The following TENM3 variants were observed in gnomAD, a reference collection of about 807,000 sequenced individuals.
TENM3 encodes teneurin transmembrane protein 3, also known as teneurin-3.
In TENM3, 63 loss-of-function variants were observed where a neutral mutation model predicts 255.1. The observed-to-expected ratio is 0.25, with a 90% CI of 0.20 to 0.30. The LOEUF is 0.30. TENM3 is among the 10% of genes least tolerant of loss of function. TENM3 has a pLI of 1.00. For missense variants in TENM3, 2,929 were observed against 3,461.1 expected (o/e 0.85, Z 3.86); for synonymous variants, 1,306 against 1,322.3 (o/e 0.99, Z 0.27).
At chr4:182,065,340 G>A in the TENM3 span, among the ~76,000 whole-genome samples, 4 of 152,200 alleles carry the variant, frequency 2.6e-5, no homozygotes, top group South Asian at 2.1e-4. Flanking sequence ...CGGCAAAACC[G>A]GATAATTTAT....
the TENM3 span, among the ~76,000 whole-genome samples, chr4:181,524,496 T>G: frequency 6.6e-6 from 1 of 152,324 alleles, no homozygotes; most frequent in Admixed American, 6.5e-5. Context: ...GCTATTTGAT[T>G]AATCAGTTCC....
chr4:182,102,594 T>C, the TENM3 span, among the ~76,000 whole-genome samples: 144 of 152,308 alleles, frequency 9.5e-4, no homozygotes, highest in African/African-American at 3.4e-3. Context: ...GCTAAAATTG[T>C]TTCTGAATCA....
chr4:181,648,685 G>A, the TENM3 span, among the ~76,000 whole-genome samples: 1 of 152,120 alleles, frequency 6.6e-6, no homozygotes, highest in African/African-American at 2.4e-5. Context: ...CAGTTGTTAA[G>A]GTATATCCTG....
At chr4:182,343,182 T>G (rs1188997887) in intron 2 of TENM3, among the ~76,000 whole-genome samples, 2 of 152,218 alleles carry the variant, frequency 1.3e-5, no homozygotes, top group Non-Finnish European at 2.9e-5. Flanking sequence ...AAATGCCTAA[T>G]ATAATCCGAG....
At chr4:181,839,072 G>A in the TENM3 span, among the ~76,000 whole-genome samples, 26 of 150,708 alleles carry the variant, frequency 1.7e-4, no homozygotes, top group Non-Finnish European at 3.1e-4. Flanking sequence ...TGGCTATTTC[G>A]TTTTTGTTCA....
intron 12 of TENM3, among the ~76,000 whole-genome samples, chr4:182,696,136 TATTTAAG>T (rs2152619741): frequency 6.6e-6 from 1 of 152,334 alleles, no homozygotes; most frequent in South Asian, 2.1e-4. Context: ...CAACTCAGCA[TATTTAAG>T]ATCAGTTTAT....
chr4:182,352,575 C>G (rs747314355), intron 3 of TENM3, among the ~76,000 whole-genome samples: 8 of 152,078 alleles, frequency 5.3e-5, no homozygotes, highest in Non-Finnish European at 7.4e-5. Context: ...GTGCATGATA[C>G]TGAAGTATTA....
chr4:182,608,439 T>C (rs1250302166), intron 4 of TENM3, among the ~76,000 whole-genome samples: 2 of 152,154 alleles, frequency 1.3e-5, no homozygotes, highest in African/African-American at 4.8e-5. Flanking sequence ...TAATATTTAA[T>C]TATTAGCATT....
the TENM3 span, among the ~76,000 whole-genome samples, chr4:181,620,985 C>T: frequency 6.6e-6 from 1 of 152,128 alleles, no homozygotes; most frequent in African/African-American, 2.4e-5. Flanking sequence ...CTCTTGACTT[C>T]TGCATTTAGC....
the TENM3 span, among the ~76,000 whole-genome samples, chr4:181,552,238 G>A: frequency 3.3e-5 from 5 of 151,982 alleles, no homozygotes; most frequent in Non-Finnish European, 7.4e-5. Flanking sequence ...TGGCTCTTTC[G>A]AATAGTCAAA....
intron 11 of TENM3, among the ~76,000 whole-genome samples, chr4:182,687,491 G>A (rs987595391): frequency 1.3e-5 from 2 of 151,868 alleles, no homozygotes; most frequent in Non-Finnish European, 2.9e-5. Context: ...GAAAAACCTT[G>A]TTTTTCAAAG....
At chr4:182,262,776 T>G (rs541699200) in intron 1 of TENM3, among the ~76,000 whole-genome samples, 4 of 148,804 alleles carry the variant, frequency 2.7e-5, no homozygotes, top group East Asian at 2.0e-4. Context: ...TGCAGTGGCC[T>G]GATCTCAGCT....
At chr4:182,147,929 T>G (rs1750078550) in intron 1 of TENM3, among the ~76,000 whole-genome samples, 1 of 152,140 alleles carries the variant, frequency 6.6e-6, no homozygotes, top group Non-Finnish European at 1.5e-5. Flanking sequence ...TTAAAAATTA[T>G]TTTACGTAAG....
chr4:182,422,914 G>GT (rs1325924198), intron 3 of TENM3, among the ~76,000 whole-genome samples: 1 of 152,178 alleles, frequency 6.6e-6, no homozygotes, highest in Admixed American at 6.5e-5. Context: ...GAAAGTCTAA[G>GT]TTGCGGAGCT....
At chr4:181,816,929 C>T in the TENM3 span, among the ~76,000 whole-genome samples, 3 of 152,188 alleles carry the variant, frequency 2.0e-5, no homozygotes, top group African/African-American at 7.2e-5. Context: ...CACTAATGCT[C>T]TTAATCATCC....
intron 1 of TENM3, among the ~76,000 whole-genome samples, chr4:182,273,593 G>A (rs935751003): frequency 6.6e-6 from 1 of 152,138 alleles, no homozygotes; most frequent in Non-Finnish European, 1.5e-5. Flanking sequence ...TGATTGTACC[G>A]CATTTCATTG....
chr4:181,692,094 C>A, the TENM3 span, among the ~76,000 whole-genome samples: 79 of 152,136 alleles, frequency 5.2e-4, no homozygotes, highest in African/African-American at 1.7e-3. Context: ...CATGGATGAA[C>A]GAATTGATGC....
the TENM3 span, among the ~76,000 whole-genome samples, chr4:181,853,664 G>A: frequency 4.8e-4 from 73 of 152,336 alleles, no homozygotes; most frequent in East Asian, 0.014. Flanking sequence ...AATGCAGGAT[G>A]TGGAGGCATC....
At position 182,298,365 on chromosome 4, in the gene TENM3, A is replaced by G. The variant is rs1761630915; in HGVS notation, c.-75-25581A>G. Among the ~76,000 whole-genome samples the G allele has an allele frequency of 2.0e-5, 3 of 152,310 alleles. No homozygotes were observed. The South Asian group carries it at 6.2e-4, about 32-fold the overall frequency. Reference sequence around the variant, plus strand: ...AGAAGGGCCTGTGATGCCATGGCAGACACTCCAAGCTCCTCAGAGTAGATT... The same window carrying G: ...AGAAGGGCCTGTGATGCCATGGCAGGCACTCCAAGCTCCTCAGAGTAGATT... On this transcript the variant is annotated intron_variant, in intron 1 of 27. Coordinates refer to ENST00000511685, the MANE Select transcript of TENM3 (RefSeq NM_001080477.4).
Sources: allele counts gnomAD v4.1 joint callset (sites outside exome capture counted in the v4.1 genomes callset), GRCh38; gene constraint gnomAD v4.1.1; transcripts MANE v1.5; gene names NCBI Gene and HGNC (gene_info 2026-07-23, HGNC 2026-07-21).